GNAI2: variants seen among roughly 807,000 people sequenced by gnomAD.
GNAI2 encodes guanine nucleotide-binding protein G(i) subunit alpha-2.
Under a neutral mutation model 36.8 loss-of-function variants are expected in GNAI2, and 4 were observed. The ratio of observed to expected loss-of-function variants is 0.11; its 90% CI spans 0.05 to 0.25. The LOEUF (loss-of-function observed/expected upper bound fraction) is 0.25, where lower values mean the gene tolerates loss of function less well. Among genes scored for constraint, GNAI2 ranks in the 10% least tolerant of loss-of-function variants. The pLI is 1.00. For missense variants in GNAI2, 230 were observed against 481.3 expected, an observed-to-expected ratio of 0.48 and a Z score of 4.89; for synonymous variants, 194 against 194.1, an observed-to-expected ratio of 1.00 and a Z score of 0.01.
Position 50,255,557 on chromosome 3 carries a change from CTT to C in GNAI2, c.465-633_465-632del, listed in dbSNP as rs1219796531. 2.6e-5 allele frequency among the ~76,000 whole-genome samples: 4 copies of C among 152,242 alleles called. No homozygotes were observed. Among genetic ancestry groups the C allele is most frequent in the Non-Finnish European group, 4.4e-5 (3 of 68,040 alleles). On this transcript the variant is annotated intron_variant, in intron 4 of 8. Coordinates refer to ENST00000313601, the MANE Select transcript of GNAI2 (RefSeq NM_002070.4). The surrounding 1 kb of genome is among the most constrained non-coding windows in gnomAD (Gnocchi z 4.0). ...GGACTAATTTGCCTCCTCCCACCCT[CTT>C]TGCCTATAGCTCCAACATCCTGGAT...
upstream of GNAI2, chr3:50,227,503 A>G (rs1699996429): frequency 4.3e-6 from 1 of 235,148 alleles, no homozygotes. This position sits in a 1 kb window ranked among gnomAD's most constrained non-coding sequence, Gnocchi z 5.9. Context: ...GCCCGCCAGG[A>G]GGCGCCGCTG....
upstream of GNAI2, among the ~76,000 whole-genome samples, chr3:50,231,320 C>A (rs1700061841): frequency 1.3e-5 from 2 of 152,214 alleles, no homozygotes. Context: ...ACCTCTGTTG[C>A]CGGGCTGGAG....
At chr3:50,233,253 T>C (rs1553699969), upstream of GNAI2, among the ~76,000 whole-genome samples, 2 of 152,122 alleles carry the variant, frequency 1.3e-5, no homozygotes, top group African/African-American at 2.4e-5. Context: ...CCACAGGACC[T>C]GGCCTGGGGC....
chr3:50,256,807 A>G lies in GNAI2; in HGVS notation c.678A>G (p.Val226=). 1 of 1,614,196 alleles carries G rather than the reference A, an allele frequency of 6.2e-7. No individual in the cohort carries two copies. The highest frequency in any genetic ancestry group is 1.1e-5 in the South Asian group (1 of 91,082). ...FEGVTAIIFC[V]ALSAYDLVLA... is the part of the protein sequence containing the mutation. ...GCGTCACAGCCATCATCTTCTGCGT[A>G]GCCTTGAGCGCCTATGACTTGGTGC... is the stretch of plus-strand genomic sequence containing the variant. Residue 226 remains valine, a synonymous_variant, in exon 6 of 9, where the codon GTA becomes GTG. Coordinates refer to ENST00000313601, the MANE Select transcript of GNAI2 (RefSeq NM_002070.4).
rs1411550997 is a variant in GNAI2, at chr3:50,238,780, G to C, written c.118+2327G>C. On this transcript the variant is annotated intron_variant, in intron 1 of 8. Coordinates refer to ENST00000313601, the MANE Select transcript of GNAI2 (RefSeq NM_002070.4). This position sits in a 1 kb window ranked among gnomAD's most constrained non-coding sequence, Gnocchi z 5.0. ...CTTTCCCATCCAGGTGCAAGGTGGT[G>C]ATGGGAGCCCAGCTGTGGTAAGTTC... 2.6e-5 allele frequency among the ~76,000 whole-genome samples: 4 copies of C among 152,238 alleles called. No homozygotes were observed. Among genetic ancestry groups the C allele is most frequent in the Admixed American group, 2.0e-4 (3 of 15,286 alleles).
chr3:50,246,894 A>T, intron 1 of GNAI2: 2 of 1,439,198 alleles, frequency 1.4e-6, no homozygotes, highest in Non-Finnish European at 1.8e-6. Context: ...CAGAGGAGCC[A>T]GTAGCTCTGA....
At chr3:50,231,042 TC>T in intron 1 of GNAI2, 2 of 716,446 alleles carry the variant, frequency 2.8e-6, no homozygotes, top group Non-Finnish European at 3.4e-6. Context: ...CGCTAGCCCT[TC>T]CCCAGACCCC....
chr3:50,244,324 C>A (rs4688741), intron 1 of GNAI2, among the ~76,000 whole-genome samples: 1 of 152,104 alleles, frequency 6.6e-6, no homozygotes, highest in Non-Finnish European at 1.5e-5. Context: ...CCACTGCGCC[C>A]GGCTGCAGCT....
At chr3:50,227,313 G>A (rs1381187566), upstream of GNAI2, 1 of 494,478 alleles carries the variant, frequency 2.0e-6, no homozygotes. The surrounding 1 kb of genome is among the most constrained non-coding windows in gnomAD (Gnocchi z 5.9). Flanking sequence ...CTGCAGCTCT[G>A]CGGAGACCGG....
At chr3:50,245,338 C>A (rs1257005972) in intron 1 of GNAI2, among the ~76,000 whole-genome samples, 1 of 152,224 alleles carries the variant, frequency 6.6e-6, no homozygotes, top group East Asian at 1.9e-4. Context: ...CCTGTGGACA[C>A]AAGGACAGCT....
At chr3:50,237,946 C>G (rs1254497917) in intron 1 of GNAI2, among the ~76,000 whole-genome samples, 2 of 152,226 alleles carry the variant, frequency 1.3e-5, no homozygotes, top group African/African-American at 2.4e-5. Flanking sequence ...TATGGGCCAT[C>G]TGTTGACTGT....
intron 8 of GNAI2, chr3:50,258,124 T>G: frequency 6.2e-6 from 1 of 160,710 alleles, no homozygotes; most frequent in Non-Finnish European, 1.4e-5. Flanking sequence ...GCCCTCTGAC[T>G]TGTCTGAGCG....
rs1175099681 is a variant in GNAI2, at chr3:50,241,402, G to T, written c.118+4949G>T. On this transcript the variant is annotated intron_variant, in intron 1 of 8. Coordinates refer to ENST00000313601, the MANE Select transcript of GNAI2 (RefSeq NM_002070.4). The surrounding 1 kb of genome is among the most constrained non-coding windows in gnomAD (Gnocchi z 5.0). Reference sequence around the variant, plus strand: ...GCTCCCACACTAAGGAGTGAACAGGGGTCCAAGCTATAGCTGACCCCCTCT... The same window carrying T: ...GCTCCCACACTAAGGAGTGAACAGGTGTCCAAGCTATAGCTGACCCCCTCT... Among the ~76,000 whole-genome samples the T allele has an allele frequency of 6.6e-6, 1 of 152,172 alleles. No homozygotes were observed. Among genetic ancestry groups the T allele is most frequent in the Non-Finnish European group, 1.5e-5 (1 of 68,020 alleles).
Position 50,253,206 on chromosome 3 carries a change from G to T in GNAI2, c.464+22G>T. 1 of 1,578,754 alleles carries T rather than the reference G, an allele frequency of 6.3e-7. No homozygotes were observed. The highest frequency in any genetic ancestry group is 8.7e-7 in the Non-Finnish European group (1 of 1,152,174). ...CCTAGTGAGTGCTCTGAGGGGCTGG[G>T]CAGGGCAGGGCAGGGGCTGGGGGAG... On this transcript the variant is annotated intron_variant, in intron 4 of 8. Transcript: ENST00000313601. The surrounding 1 kb of genome is among the most constrained non-coding windows in gnomAD (Gnocchi z 4.2).
At position 50,253,098 on chromosome 3, in the gene GNAI2, C is replaced by A; in HGVS notation, c.378C>A (p.Gly126=). Residue 126 remains glycine (G), a synonymous_variant, in exon 4 of 9, where the codon GGC becomes GGA. Coordinates refer to ENST00000313601, the MANE Select transcript of GNAI2 (RefSeq NM_002070.4). The surrounding 1 kb of genome is among the most constrained non-coding windows in gnomAD (Gnocchi z 4.2). ...GCGTGCTCCCTGATGACCTGTCCGG[C>A]GTCATCCGGAGGCTCTGGGCTGACC... ...EQGVLPDDLS[G]VIRRLWADHG... is the part of the protein sequence containing the mutation. 2 of 1,613,030 alleles carry A rather than the reference C, an allele frequency of 1.2e-6. No homozygotes were observed. The highest frequency in any genetic ancestry group is 8.5e-7 in the Non-Finnish European group (1 of 1,179,274).
At position 50,238,596 on chromosome 3, in the gene GNAI2, G is replaced by A. The variant is rs1278371721; in HGVS notation, c.118+2143G>A. 6.6e-6 allele frequency among the ~76,000 whole-genome samples: 1 copy of A among 152,232 alleles called. No individual in the cohort carries two copies. The highest frequency in any genetic ancestry group is 1.5e-5 in the Non-Finnish European group (1 of 68,026). ...AAAGGAGTGCCCCAGGTCAGGATGG[G>A]GAGGGAGAACAAGAGCCTCCTGGTG... is the stretch of plus-strand genomic sequence containing the variant. On this transcript the variant is annotated intron_variant, in intron 1 of 8. Coordinates refer to ENST00000313601, the MANE Select transcript of GNAI2 (RefSeq NM_002070.4). This position sits in a 1 kb window ranked among gnomAD's most constrained non-coding sequence, Gnocchi z 5.0.
chr3:50,243,091 C>T (rs1231407886), intron 1 of GNAI2, among the ~76,000 whole-genome samples: 1 of 152,210 alleles, frequency 6.6e-6, no homozygotes, highest in Admixed American at 6.5e-5. Context: ...CCCAAGGGCC[C>T]CCCAGGGCTT....
At chr3:50,254,350 C>T (rs1559775637) in intron 4 of GNAI2, among the ~76,000 whole-genome samples, 2 of 152,162 alleles carry the variant, frequency 1.3e-5, no homozygotes, top group Non-Finnish European at 2.9e-5. Flanking sequence ...TCTGCTTAAG[C>T]CAGTCCCCTC....
At position 50,252,186 on chromosome 3, in the gene GNAI2, C is replaced by T. The variant is rs1306421517; in HGVS notation, c.161+44C>T. The T allele has an allele frequency of 3.2e-6, 5 of 1,574,214 alleles. No individual in the cohort carries two copies. The highest frequency in any genetic ancestry group is 2.6e-6 in the Non-Finnish European group (3 of 1,145,356). The stretch of plus-strand genomic sequence containing the variant: ...AGGCAGTGCTCAAACTCCAGCTTCC[C>T]CTCTTCACCCTCTGGGCCTGCACTG... On this transcript the variant is annotated intron_variant, in intron 2 of 8. Transcript: ENST00000313601. This position sits in a 1 kb window ranked among gnomAD's most constrained non-coding sequence, Gnocchi z 4.1.
Sources: allele counts gnomAD v4.1 joint callset (sites outside exome capture counted in the v4.1 genomes callset), GRCh38; gene constraint gnomAD v4.1.1; non-coding constraint Gnocchi (gnomAD v3.1); transcripts MANE v1.5; gene names NCBI Gene and HGNC (gene_info 2026-07-23, HGNC 2026-07-21).